The following G3BP2 variants were observed in gnomAD, a reference collection of about 807,000 sequenced individuals.
The protein encoded by G3BP2 is G3BP stress granule assembly factor 2.
A neutral mutation model predicts 56.7 loss-of-function variants in G3BP2; 11 were observed. The ratio of observed to expected loss-of-function variants is 0.19; its 90% confidence interval spans 0.12 to 0.32. The LOEUF (loss-of-function observed/expected upper bound fraction) is 0.32. Among genes scored for constraint, G3BP2 ranks in the 10% least tolerant of loss-of-function variants. The probability of loss-of-function intolerance (pLI) is 1.00; values close to 1 mark genes in which losing one functional copy is unlikely to be tolerated. For synonymous variants in G3BP2, 165 were observed against 191.6 expected, an observed-to-expected ratio of 0.86 and a Z score of 1.15; for missense variants, 340 against 610.9, an observed-to-expected ratio of 0.56 and a Z score of 4.67.
chr4:75,704,330 T>C (rs13148199), intron 3 of G3BP2, among the ~76,000 whole-genome samples: 46,274 of 151,852 alleles, frequency 0.3, 8,610 homozygotes, highest in East Asian at 0.76. Flanking sequence ...GTTTGGTTTT[T>C]GTTTTGAGAC....
chr4:75,701,853 A>G (rs1020779747), intron 3 of G3BP2, among the ~76,000 whole-genome samples: 8 of 152,366 alleles, frequency 5.3e-5, no homozygotes, highest in African/African-American at 1.9e-4. Flanking sequence ...TGAGAAAGAT[A>G]GACCTTGAAG....
At chr4:75,693,866 C>A (rs1040088953) in intron 3 of G3BP2, among the ~76,000 whole-genome samples, 3 of 150,046 alleles carry the variant, frequency 2.0e-5, no homozygotes, top group Non-Finnish European at 4.4e-5. Flanking sequence ...TCCCAAGTAA[C>A]GAGGCCCACA....
At chr4:75,683,525 T>G (rs1003333044) in intron 3 of G3BP2, among the ~76,000 whole-genome samples, 8 of 151,658 alleles carry the variant, frequency 5.3e-5, no homozygotes, top group Non-Finnish European at 1.2e-4. Context: ...GATTGTGCCA[T>G]TGCACTCCAG....
At chr4:75,702,561 T>G (rs1337617239) in intron 3 of G3BP2, among the ~76,000 whole-genome samples, 2 of 152,214 alleles carry the variant, frequency 1.3e-5, no homozygotes, top group Non-Finnish European at 2.9e-5. Context: ...TTGTCATAAT[T>G]TGCAGGCCCC....
Position 75,645,010 on chromosome 4 carries a change from C to A in G3BP2, c.*420G>T, listed in dbSNP as rs934962627. On this transcript the variant is annotated 3_prime_UTR_variant, in exon 12 of 12. Coordinates refer to ENST00000359707, the MANE Select transcript of G3BP2 (RefSeq NM_203505.3). ...TGTTGGTTTGTATTTTTGGGGGGAG[C>A]CAAGAAAAAAGGCAAGATTCTCCAA... 7.0e-5 allele frequency: 12 copies of A among 170,700 alleles called. No individual in the cohort carries two copies. The highest frequency in any genetic ancestry group is 1.4e-4 in the Non-Finnish European group (11 of 80,830). The allele number at this position is 170,700 out of a possible 1,614,324, so 10.6% of individuals were successfully genotyped here.
chr4:75,657,935 A>G (rs775395779), intron 3 of G3BP2, among the ~76,000 whole-genome samples: 2 of 152,212 alleles, frequency 1.3e-5, no homozygotes, highest in Non-Finnish European at 2.9e-5. Context: ...TTGTGCAGTA[A>G]TCTGGGCTTT....
chr4:75,653,915 AGT>A, intron 8 of G3BP2, 66 bp downstream of exon 8: 1 of 742,226 alleles, frequency 1.3e-6, no homozygotes, highest in Non-Finnish European at 2.4e-6. Flanking sequence ...CATTTTTAAA[AGT>A]ATTTTAAAAA....
chr4:75,723,633 C>T (rs144956578), intron 1 of G3BP2, among the ~76,000 whole-genome samples: 38 of 152,324 alleles, frequency 2.5e-4, no homozygotes, highest in African/African-American at 9.1e-4. Context: ...AGTGGTACTA[C>T]TGAGCACGGC....
intron 10 of G3BP2, among the ~76,000 whole-genome samples, chr4:75,646,816 C>T (rs573076944): frequency 6.6e-6 from 1 of 152,276 alleles, no homozygotes; most frequent in Admixed American, 6.5e-5. Flanking sequence ...CTTCTAAACA[C>T]TACTGAGCCA....
chr4:75,663,648 G>C (rs186055906), intron 1 of G3BP2, among the ~76,000 whole-genome samples: 1,557 of 151,844 alleles, frequency 0.01, 24 homozygotes, highest in Middle Eastern at 0.048. Flanking sequence ...GATCACAAGG[G>C]CAGGAGTTCA....
At chr4:75,665,122 ATAG>A (rs1287548039) in intron 1 of G3BP2, among the ~76,000 whole-genome samples, 1 of 152,238 alleles carries the variant, frequency 6.6e-6, no homozygotes, top group African/African-American at 2.4e-5. Context: ...AATACCAACT[ATAG>A]TAGAGCTTAC....
At chr4:75,690,380 C>G in intron 3 of G3BP2, among the ~76,000 whole-genome samples, 1 of 149,518 alleles carries the variant, frequency 6.7e-6, no homozygotes, top group Admixed American at 6.7e-5. Flanking sequence ...TGCAGTGAGC[C>G]AAGACCGTGC....
chr4:75,670,470 T>G (rs1385638243), intron 1 of G3BP2: 1 of 152,232 alleles, frequency 6.6e-6, no homozygotes, highest in African/African-American at 2.4e-5. Context: ...AAGTAAGTTA[T>G]GGATTAAATC....
intron 3 of G3BP2, among the ~76,000 whole-genome samples, chr4:75,688,891 A>G (rs970902756): frequency 1.3e-5 from 2 of 152,238 alleles, no homozygotes; most frequent in African/African-American, 2.4e-5. Flanking sequence ...TCAATCCATG[A>G]CTGCTGATAT....
intron 3 of G3BP2, among the ~76,000 whole-genome samples, chr4:75,702,326 T>C (rs1228353145): frequency 6.6e-6 from 1 of 152,144 alleles, no homozygotes; most frequent in Non-Finnish European, 1.5e-5. Flanking sequence ...ATATTTTTTG[T>C]AGAGATGGGG....
chr4:75,713,031 C>T (rs957012066), intron 3 of G3BP2, among the ~76,000 whole-genome samples: 3 of 151,854 alleles, frequency 2.0e-5, no homozygotes, highest in Admixed American at 1.3e-4. Flanking sequence ...TAAACAAAAC[C>T]CTATTCCCAT....
intron 6 of G3BP2, 109 bp downstream of exon 6, chr4:75,655,659 A>C: frequency 1.5e-6 from 1 of 667,242 alleles, no homozygotes; most frequent in South Asian, 1.8e-5. Flanking sequence ...AAATACTGAC[A>C]TAATAGGTGG....
At chr4:75,694,725 C>T (rs1013970707) in intron 3 of G3BP2, 27 of 980,712 alleles carry the variant, frequency 2.8e-5, no homozygotes, top group Non-Finnish European at 1.1e-5. Flanking sequence ...GCAACAAGAG[C>T]GAGACTCTGT....
intron 3 of G3BP2, among the ~76,000 whole-genome samples, chr4:75,692,167 T>C (rs1269689454): frequency 6.6e-6 from 1 of 152,216 alleles, no homozygotes; most frequent in Non-Finnish European, 1.5e-5. Context: ...CTTTCTGTTC[T>C]TCAGAACCCT....
Sources: gnomAD v4.1 joint callset for allele counts (sites outside exome capture counted in the v4.1 genomes callset) on GRCh38, gnomAD v4.1.1 for gene constraint, MANE v1.5 for transcripts, NCBI Gene and HGNC (gene_info 2026-07-23, HGNC 2026-07-21) for gene names.